ABCA10: variants seen among roughly 807,000 people sequenced by gnomAD.
The protein encoded by ABCA10 is ATP binding cassette subfamily A member 10.
ABCA10 carries 169 observed loss-of-function variants against 187.5 expected under a neutral mutation model. That is an observed-to-expected ratio of 0.90 (90% CI 0.80 to 1.02). ABCA10 has a LOEUF of 1.02. Among genes scored for constraint, ABCA10 ranks in the 50% least tolerant of loss-of-function variants. The pLI, the probability that ABCA10 is intolerant of heterozygous loss-of-function variation, is 0.00. For missense variants in ABCA10, 1,727 were observed against 1,812.4 expected (o/e 0.95, Z 0.86); for synonymous variants, 574 against 601.8 (o/e 0.95, Z 0.68).
intron 6 of ABCA10, 146 bp from the exon 7 acceptor site, chr17:69,216,504 C>T: frequency 1.2e-6 from 1 of 857,116 alleles, no homozygotes; most frequent in Middle Eastern, 3.3e-4. Context: ...TGACTATTAG[C>T]AAGTTATTTA....
chr17:69,243,496 T>A (rs982452524), intron 1 of ABCA10, among the ~76,000 whole-genome samples: 14 of 152,240 alleles, frequency 9.2e-5, no homozygotes, highest in African/African-American at 3.4e-4. Flanking sequence ...CATCTTACTA[T>A]GTGGCCCATT....
intron 20 of ABCA10, among the ~76,000 whole-genome samples, chr17:69,184,611 T>C (rs1244058596): frequency 4.6e-5 from 7 of 152,044 alleles, no homozygotes; most frequent in Admixed American, 1.3e-4. Flanking sequence ...GGTGGGAATA[T>C]AAACTAGTAA....
At chr17:69,158,328 C>G (rs2074189716) in intron 27 of ABCA10, among the ~76,000 whole-genome samples, 1 of 150,944 alleles carries the variant, frequency 6.6e-6, no homozygotes, top group Non-Finnish European at 1.5e-5. Context: ...GGTTGTTTCA[C>G]CGGAAAATGC....
At chr17:69,171,579 A>C (rs2074297681) in intron 25 of ABCA10, among the ~76,000 whole-genome samples, 1 of 152,236 alleles carries the variant, frequency 6.6e-6, no homozygotes, top group African/African-American at 2.4e-5. Context: ...GAATTTTCCT[A>C]AACTGAAGAC....
chr17:69,224,845 C>A (rs1430426151), intron 3 of ABCA10, among the ~76,000 whole-genome samples: 6 of 152,048 alleles, frequency 3.9e-5, no homozygotes, highest in Non-Finnish European at 4.4e-5. Flanking sequence ...TTTTTCAACA[C>A]CATTGCTAAG....
chr17:69,223,592 G>A, intron 3 of ABCA10: 1 of 385,690 alleles, frequency 2.6e-6, no homozygotes, highest in Non-Finnish European at 5.0e-6. Flanking sequence ...TCTACATTAA[G>A]ATGAAAAAGC....
exon 1 of ABCA10, chr17:69,244,548 T>C (rs1031857601): frequency 3.3e-5 from 5 of 151,766 alleles, no homozygotes; most frequent in Admixed American, 1.3e-4. Context: ...ATAGCTGATA[T>C]AAAAATTATT....
chr17:69,228,890 C>A (rs2074813375), upstream of ABCA10: 1 of 151,826 alleles, frequency 6.6e-6, no homozygotes, highest in Non-Finnish European at 1.5e-5. Context: ...AAAAAGAGAT[C>A]AAATTCAAAA....
chr17:69,152,462 C>A lies in ABCA10; in HGVS notation c.4156G>T (p.Val1386Phe), dbSNP rs377479549. ...AGGGTGCCCCTCTCCTTGTTTTTAACGGTAGCCTGAAGTATCTGCCTAAAG... is the reference window on the plus strand; with the variant it reads ...AGGGTGCCCCTCTCCTTGTTTTTAAAGGTAGCCTGAAGTATCTGCCTAAAG... Reference protein sequence around the residue: ...QQMWQILQATVKNKERGTLLT... With the variant: ...QQMWQILQATFKNKERGTLLT... Residue 1386 changes from valine (V) to phenylalanine (F), a missense_variant, in exon 35 of 39, where the codon GTT (valine) becomes TTT (phenylalanine). Val to Phe is a conservative substitution (Grantham distance 50). Coordinates refer to ENST00000690296, the MANE Select transcript of ABCA10 (RefSeq NM_001377321.1). The A allele has an allele frequency of 4.3e-6, 7 of 1,613,130 alleles. No individual in the cohort carries two copies. In the Admixed American group the frequency reaches 5.0e-5, roughly 12 times the overall value.
rs765126733 is a variant in ABCA10 at position 69,155,016 on chromosome 17, A to C, written c.3694+3T>G. On this transcript the variant is annotated splice_donor_region_variant and intron_variant, in intron 30 of 38. Transcript: ENST00000690296. The stretch of plus-strand genomic sequence containing the variant: ...TAATAATAAAAGGAACAATTGTTCA[A>C]ACCTTTTTTAACACAAAAGGAAACA... 5 of 1,562,938 alleles carry C rather than the reference A, an allele frequency of 3.2e-6. No homozygotes were observed. Among genetic ancestry groups the C allele is most frequent in the Non-Finnish European group, 4.4e-6 (5 of 1,137,742 alleles).
At chr17:69,237,618 T>C (rs2074879955) in intron 1 of ABCA10, among the ~76,000 whole-genome samples, 1 of 152,218 alleles carries the variant, frequency 6.6e-6, no homozygotes, top group African/African-American at 2.4e-5. Context: ...TTTCCTATCT[T>C]GACTGCGGCT....
At chr17:69,216,725 T>C (rs982397532) in intron 6 of ABCA10, among the ~76,000 whole-genome samples, 2 of 152,112 alleles carry the variant, frequency 1.3e-5, no homozygotes, top group African/African-American at 2.4e-5. Context: ...TAAATGACTA[T>C]ATAAAATGTC....
chr17:69,193,125 C>T lies in ABCA10; in HGVS notation c.1765G>A (p.Ala589Thr). 6.2e-7 allele frequency: 1 copy of T among 1,608,278 alleles called. No individual in the cohort carries two copies. The change falls in exon 15 of 39, where the codon GCT becomes ACT. Residue 589 changes from alanine to threonine, a missense_variant. By Grantham distance (58) the Ala-to-Thr change is moderately conservative (BLOSUM62 0). Transcript: ENST00000690296. ...CAAGAATCACCAGCCAAGATGTCAGCCTCATCCATGAATTGGGTACTGAAG... is the reference window on the plus strand; with the variant it reads ...CAAGAATCACCAGCCAAGATGTCAGTCTCATCCATGAATTGGGTACTGAAG... ...ILFSTQFMDEADILADRKVFL... is the reference protein window; with the variant it reads ...ILFSTQFMDETDILADRKVFL...
intron 27 of ABCA10, among the ~76,000 whole-genome samples, chr17:69,161,146 C>G (rs2074214677): frequency 1.3e-5 from 2 of 151,962 alleles, no homozygotes; most frequent in African/African-American, 4.8e-5. Context: ...GTGAAATAAG[C>G]TAGTCACAAA....
chr17:69,225,665 AAATT>A (rs1038783839), intron 2 of ABCA10, 136 bp from the exon 3 acceptor site: 12 of 333,618 alleles, frequency 3.6e-5, no homozygotes, highest in African/African-American at 1.9e-4. Flanking sequence ...TTTTCTGCCC[AAATT>A]AATATCTACC....
rs2074545916 is a variant in ABCA10, at chr17:69,201,620, A to C, written c.1055T>G (p.Phe352Cys). 1.2e-6 allele frequency: 2 copies of C among 1,611,316 alleles called. No individual in the cohort carries two copies. The highest frequency in any genetic ancestry group is 3.4e-5 in the Admixed American group (2 of 59,390). Residue 352 changes from phenylalanine to cysteine, a missense_variant, in exon 10 of 39, where the codon TTT (phenylalanine) becomes TGT (cysteine). By Grantham distance (205) the Phe-to-Cys change is radical. Transcript: ENST00000690296. ...DSPLFFLKSSFWSKHQNTHHE... is the reference protein window; with the variant it reads ...DSPLFFLKSSCWSKHQNTHHE... ...ATGAGTATTTTGATGTTTGGACCAA[A>C]ATGAGGACTTAAGGAAAAATAATGG...
In ABCA10 at chr17:69,225,307, G is replaced by A. The variant is rs1013114129; in HGVS notation, c.34+18C>T. The A allele has an allele frequency of 3.1e-6, 5 of 1,611,824 alleles. No homozygotes were observed. Among genetic ancestry groups the A allele is most frequent in the Non-Finnish European group, 4.2e-6 (5 of 1,178,484 alleles). ...TTAAGTCACATAATACTGAAACATT[G>A]GTTATTGGACAACACACCTTTCATA... On this transcript the variant is annotated intron_variant, in intron 3 of 38. Coordinates refer to ENST00000690296, the MANE Select transcript of ABCA10 (RefSeq NM_001377321.1).
chr17:69,188,484 T>C (rs2074438116), intron 18 of ABCA10, among the ~76,000 whole-genome samples: 1 of 150,690 alleles, frequency 6.6e-6, no homozygotes, highest in African/African-American at 2.5e-5. Context: ...ATGGCTGGTA[T>C]CTAGTAGCCT....
In ABCA10 at chr17:69,161,399, G is replaced by A. The variant is rs145287294; in HGVS notation, c.3363+2675C>T. On this transcript the variant is annotated intron_variant, in intron 27 of 38. Transcript: ENST00000690296. ...ATAAGGATGGTAAATTTTATGTTAC[G>A]TGTCTTTTTATTACAATTTGAAAAG... is the stretch of plus-strand genomic sequence containing the variant. 2.7e-3 allele frequency among the ~76,000 whole-genome samples: 417 copies of A among 152,232 alleles called. 4 individuals carry two copies. Among genetic ancestry groups the A allele is most frequent in the African/African-American group, 9.7e-3 (402 of 41,564 alleles).
Sources: gnomAD v4.1 joint callset for allele counts (sites outside exome capture counted in the v4.1 genomes callset) on GRCh38, gnomAD v4.1.1 for gene constraint, MANE v1.5 for transcripts, NCBI Gene and HGNC (gene_info 2026-07-23, HGNC 2026-07-21) for gene names.